GRK3: variants seen among roughly 807,000 people sequenced by gnomAD.
GRK3 encodes adrenergic, beta, receptor kinase 2.
A neutral mutation model predicts 95.7 loss-of-function variants in GRK3; 54 were observed. The observed-to-expected ratio is 0.56, with a 90% CI of 0.45 to 0.71. The LOEUF (loss-of-function observed/expected upper bound fraction) is 0.71. Ranked by LOEUF, GRK3 falls within the 30% of genes least tolerant of loss-of-function variation. The pLI is 0.00. For missense variants in GRK3, 649 were observed against 851.2 expected (o/e 0.76, Z 2.96); for synonymous variants, 281 against 290.8 (o/e 0.97, Z 0.34).
chr22:25,595,068 T>C (rs2084363175), intron 1 of GRK3, among the ~76,000 whole-genome samples: 1 of 152,272 alleles, frequency 6.6e-6, no homozygotes, highest in Non-Finnish European at 1.5e-5. Context: ...AATATCATAT[T>C]GAATGAGCAA....
chr22:25,594,558 C>G (rs1393122625), intron 1 of GRK3, among the ~76,000 whole-genome samples: 2 of 152,068 alleles, frequency 1.3e-5, no homozygotes, highest in African/African-American at 4.8e-5. Flanking sequence ...CATATGCAAA[C>G]CAATAAATGT....
At chr22:25,683,094 G>GT (rs1340993668) in intron 9 of GRK3, among the ~76,000 whole-genome samples, 1 of 152,220 alleles carries the variant, frequency 6.6e-6, no homozygotes, top group African/African-American at 2.4e-5. Flanking sequence ...CCTAAGAATG[G>GT]TTTTTACATT....
chr22:25,701,395 G>A lies in GRK3; in HGVS notation c.1161-2115G>A, dbSNP rs2085257816. Among the ~76,000 whole-genome samples, 6 of 152,226 alleles carry A rather than the reference G, an allele frequency of 3.9e-5. No individual in the cohort carries two copies. In the South Asian group the frequency reaches 1.2e-3, roughly 31 times the overall value. ...TATATTGGAAACAGATGTGCATCAAGATTTCAACTTGAAAGACCAAACTGT... is the reference window on the plus strand; with the variant it reads ...TATATTGGAAACAGATGTGCATCAAAATTTCAACTTGAAAGACCAAACTGT... On this transcript the variant is annotated intron_variant, in intron 13 of 20. Coordinates refer to ENST00000324198, the MANE Select transcript of GRK3 (RefSeq NM_005160.4).
In GRK3 at chr22:25,711,109, T is replaced by A. The variant is rs1465184894; in HGVS notation, c.1437T>A (p.Ala479=). ...TTCCTCCCCGGGGAGAAGTCAATGC[T>A]GCTGATGCCTTTGATATTGGCTCAT... ...PLIPPRGEVN[A]ADAFDIGSFD... The change falls in exon 17 of 21, where the codon GCT becomes GCA. Residue 479 remains alanine (A), a synonymous_variant. Coordinates refer to ENST00000324198, the MANE Select transcript of GRK3 (RefSeq NM_005160.4). 3 of 1,613,826 alleles carry A rather than the reference T, an allele frequency of 1.9e-6. No homozygotes were observed. The highest frequency in any genetic ancestry group is 2.5e-6 in the Non-Finnish European group (3 of 1,179,930).
At chr22:25,601,345 A>G (rs946838829) in intron 1 of GRK3, among the ~76,000 whole-genome samples, 1 of 152,334 alleles carries the variant, frequency 6.6e-6, no homozygotes, top group South Asian at 2.1e-4. Flanking sequence ...GTAAAATTTA[A>G]TAACAGAAAG....
At chr22:25,581,888 TG>T (rs1932111984) in intron 1 of GRK3, among the ~76,000 whole-genome samples, 1 of 152,180 alleles carries the variant, frequency 6.6e-6, no homozygotes, top group Non-Finnish European at 1.5e-5. Flanking sequence ...AACCTTGCAA[TG>T]TAAGTCTCTC....
At chr22:25,642,482 G>C (rs971277712) in intron 2 of GRK3, among the ~76,000 whole-genome samples, 5 of 152,048 alleles carry the variant, frequency 3.3e-5, no homozygotes, top group Admixed American at 6.5e-5. Context: ...AGATTCAGAG[G>C]ATGATCTTTT....
At chr22:25,704,550 A>T (rs796259642) in intron 15 of GRK3, among the ~76,000 whole-genome samples, 141 of 152,288 alleles carry the variant, frequency 9.3e-4, no homozygotes, top group African/African-American at 3.3e-3. Context: ...AGCTAGGACC[A>T]CTGGGGTGTG....
At chr22:25,585,408 A>G (rs1351889733) in intron 1 of GRK3, among the ~76,000 whole-genome samples, 1 of 152,164 alleles carries the variant, frequency 6.6e-6, no homozygotes, top group Non-Finnish European at 1.5e-5. Context: ...TTACCATGCT[A>G]TCCATTAATT....
intron 2 of GRK3, among the ~76,000 whole-genome samples, chr22:25,639,113 G>A (rs1223406429): frequency 1.3e-5 from 2 of 152,096 alleles, no homozygotes; most frequent in Non-Finnish European, 2.9e-5. Flanking sequence ...AATTTACAAG[G>A]CATTTTTTCT....
chr22:25,718,408 A>G, intron 19 of GRK3, 27 bp downstream of exon 19: 1 of 1,612,710 alleles, frequency 6.2e-7, no homozygotes, highest in Non-Finnish European at 8.5e-7. Context: ...CTCACCGAGC[A>G]TGTTTCCCAG....
intron 2 of GRK3, among the ~76,000 whole-genome samples, chr22:25,616,835 G>A (rs923582750): frequency 7.9e-5 from 12 of 152,232 alleles, no homozygotes; most frequent in African/African-American, 2.7e-4. Context: ...ACTGTAGGGC[G>A]ATGATGTTGT....
In GRK3 at chr22:25,610,567, A is replaced by G. The variant is rs1176651897; in HGVS notation, c.190+6114A>G. Among the ~76,000 whole-genome samples the G allele has an allele frequency of 2.0e-5, 3 of 152,192 alleles. No individual in the cohort carries two copies. The South Asian group carries it at 6.2e-4, about 32-fold the overall frequency. ...AAATTTCTACAGTTGTGCCCCCGTC[A>G]CCACAATACAATTTAAAAACATTTC... On this transcript the variant is annotated intron_variant, in intron 2 of 20. Coordinates refer to ENST00000324198, the MANE Select transcript of GRK3 (RefSeq NM_005160.4).
At chr22:25,679,092 T>C (rs910405014) in intron 9 of GRK3, among the ~76,000 whole-genome samples, 177 bp downstream of exon 9, 2 of 152,248 alleles carry the variant, frequency 1.3e-5, no homozygotes, top group East Asian at 1.9e-4. Context: ...CCACCTCCAT[T>C]ATGCACACCC....
chr22:25,670,786 G>T (rs112719718), intron 6 of GRK3, among the ~76,000 whole-genome samples: 3,045 of 150,542 alleles, frequency 0.02, 45 homozygotes, highest in Non-Finnish European at 0.028. Context: ...CGGGAGGGTG[G>T]CTCACGCCTG....
intron 2 of GRK3, among the ~76,000 whole-genome samples, chr22:25,643,634 C>G (rs1045348428): frequency 3.9e-5 from 6 of 152,214 alleles, no homozygotes; most frequent in Non-Finnish European, 7.3e-5. Flanking sequence ...CTTCAAGTAT[C>G]TCTACCTTCA....
At chr22:25,647,334 G>A in intron 3 of GRK3, 1 of 1,249,698 alleles carries the variant, frequency 8.0e-7, no homozygotes, top group Non-Finnish European at 1.2e-6. Context: ...GAGCCTGTCA[G>A]TACAAGGGTG....
At chr22:25,682,389 G>C (rs1279279128) in intron 9 of GRK3, among the ~76,000 whole-genome samples, 1 of 152,190 alleles carries the variant, frequency 6.6e-6, no homozygotes, top group Non-Finnish European at 1.5e-5. Flanking sequence ...GAGGCTCGGA[G>C]ATAGGGGCTC....
chr22:25,716,886 T>C (rs560162887), intron 18 of GRK3, among the ~76,000 whole-genome samples: 36 of 152,336 alleles, frequency 2.4e-4, no homozygotes, highest in African/African-American at 8.7e-4. Context: ...AGCAGTGGCC[T>C]GAGATTCTCG....
Sources: gnomAD v4.1 joint callset for allele counts (sites outside exome capture counted in the v4.1 genomes callset) on GRCh38, gnomAD v4.1.1 for gene constraint, MANE v1.5 for transcripts, NCBI Gene and HGNC (gene_info 2026-07-23, HGNC 2026-07-21) for gene names.